MPP7: variants seen among roughly 807,000 people sequenced by gnomAD.
MPP7 encodes the protein MAGUK p55 scaffold protein 7, also known as MAGUK p55 subfamily member 7.
Under a neutral mutation model 76.5 loss-of-function variants are expected in MPP7, and 60 were observed. The observed-to-expected ratio is 0.78, with a 90% CI of 0.64 to 0.97. The LOEUF (loss-of-function observed/expected upper bound fraction) is 0.97. Among genes scored for constraint, MPP7 ranks in the 50% least tolerant of loss-of-function variants. The pLI is 0.00. For missense variants in MPP7, 641 were observed against 694.0 expected (o/e 0.92, Z 0.86); for synonymous variants, 237 against 244.5 (o/e 0.97, Z 0.29).
At chr10:28,233,591 G>A (rs933106249) in intron 2 of MPP7, among the ~76,000 whole-genome samples, 4 of 151,814 alleles carry the variant, frequency 2.6e-5, no homozygotes, top group Admixed American at 6.6e-5. Context: ...GGTGGCGGGC[G>A]CCTGTAGTCC....
intron 11 of MPP7, among the ~76,000 whole-genome samples, chr10:28,110,375 C>A (rs533623738): frequency 1.3e-5 from 2 of 152,204 alleles, no homozygotes; most frequent in Non-Finnish European, 2.9e-5. Context: ...CAGGCGTGAG[C>A]CACTACGCCC....
At chr10:28,063,515 C>T (rs1456589777) in intron 13 of MPP7, among the ~76,000 whole-genome samples, 4 of 151,610 alleles carry the variant, frequency 2.6e-5, no homozygotes, top group Non-Finnish European at 4.4e-5. Flanking sequence ...CAAAGAAGAT[C>T]GGGGGTCCCC....
At chr10:28,267,576 G>A (rs991012203) in intron 1 of MPP7, among the ~76,000 whole-genome samples, 2 of 152,140 alleles carry the variant, frequency 1.3e-5, no homozygotes, top group Non-Finnish European at 2.9e-5. Flanking sequence ...ACAGATTTTG[G>A]ATTTTCAGAT....
chr10:28,156,379 G>A (rs886529569), intron 3 of MPP7, among the ~76,000 whole-genome samples: 4 of 152,148 alleles, frequency 2.6e-5, no homozygotes, highest in East Asian at 1.9e-4. Context: ...GGAGATTCTC[G>A]TCTCCCTTTG....
At chr10:28,248,266 C>CT (rs1395944486) in intron 1 of MPP7, among the ~76,000 whole-genome samples, 1 of 152,108 alleles carries the variant, frequency 6.6e-6, no homozygotes, top group African/African-American at 2.4e-5. Context: ...GTCAAGAAAT[C>CT]TGAGGGCTAG....
intron 5 of MPP7, among the ~76,000 whole-genome samples, chr10:28,139,662 G>C (rs1835450603): frequency 6.6e-6 from 1 of 152,184 alleles, no homozygotes; most frequent in Non-Finnish European, 1.5e-5. Context: ...AATGATTAAA[G>C]AGATAATACA....
chr10:28,113,460 G>T (rs1834566608), intron 11 of MPP7, among the ~76,000 whole-genome samples: 1 of 152,142 alleles, frequency 6.6e-6, no homozygotes, highest in Non-Finnish European at 1.5e-5. Context: ...TTCCTGGTCA[G>T]GGCATTCCTA....
At chr10:28,328,872 C>T (rs558708132) in intron 2 of MPP7, among the ~76,000 whole-genome samples, 2 of 152,268 alleles carry the variant, frequency 1.3e-5, no homozygotes, top group South Asian at 4.1e-4. Context: ...TATACCATTA[C>T]GATGTCTCTT....
chr10:28,098,734 T>C lies in MPP7; in HGVS notation c.953-8893A>G, dbSNP rs1045443220. The stretch of plus-strand genomic sequence containing the variant: ...AATCATCTATATTTTTCAGTGATTA[T>C]GGTAATAGACCAAATTTGTATATTA... On this transcript the variant is annotated intron_variant, in intron 11 of 16. Coordinates refer to ENST00000683449, the MANE Select transcript of MPP7 (RefSeq NM_001318170.2). 5.3e-5 allele frequency among the ~76,000 whole-genome samples: 8 copies of C among 152,126 alleles called. 1 individual carries two copies. Among genetic ancestry groups the C allele is most frequent in the Middle Eastern group, 6.8e-3 (2 of 294 alleles).
At chr10:28,149,398 C>G (rs921637505) in intron 4 of MPP7, among the ~76,000 whole-genome samples, 2 of 152,130 alleles carry the variant, frequency 1.3e-5, no homozygotes, top group Non-Finnish European at 2.9e-5. Context: ...CCCCCAAGTT[C>G]AAAATAAAAT....
At chr10:28,280,939 G>C (rs768366716) in intron 1 of MPP7, among the ~76,000 whole-genome samples, 1 of 152,040 alleles carries the variant, frequency 6.6e-6, no homozygotes, top group Non-Finnish European at 1.5e-5. Context: ...GACTAGAGTG[G>C]AGGGTATGTA....
At chr10:28,140,355 C>T (rs113727457) in intron 5 of MPP7, among the ~76,000 whole-genome samples, 11,237 of 151,874 alleles carry the variant, frequency 0.074, 476 homozygotes, top group African/African-American at 0.11. Context: ...CTACTAAAAA[C>T]ACAAAAATTA....
intron 12 of MPP7, among the ~76,000 whole-genome samples, chr10:28,080,075 G>T (rs1288420098): frequency 7.0e-6 from 1 of 143,344 alleles, no homozygotes; most frequent in Non-Finnish European, 1.5e-5. Context: ...GGGAGGGGGA[G>T]GGAGGGAGAG....
At chr10:28,218,624 T>C (rs1041390357) in intron 2 of MPP7, among the ~76,000 whole-genome samples, 4 of 152,094 alleles carry the variant, frequency 2.6e-5, no homozygotes, top group Non-Finnish European at 5.9e-5. Context: ...GGCCATATTC[T>C]AGGCAATGAT....
chr10:28,079,382 G>C (rs1308916487), intron 12 of MPP7, among the ~76,000 whole-genome samples: 1 of 151,770 alleles, frequency 6.6e-6, no homozygotes, highest in African/African-American at 2.4e-5. Context: ...GCCAGGTGCA[G>C]CAGTTTGCAC....
chr10:28,181,251 A>C (rs1837048444), intron 3 of MPP7, among the ~76,000 whole-genome samples: 1 of 152,214 alleles, frequency 6.6e-6, no homozygotes, highest in African/African-American at 2.4e-5. Flanking sequence ...AGAATGATAA[A>C]ACCAATCTAA....
chr10:28,253,439 C>T (rs1454593477), intron 1 of MPP7, among the ~76,000 whole-genome samples: 2 of 152,090 alleles, frequency 1.3e-5, no homozygotes, highest in Admixed American at 6.6e-5. Flanking sequence ...TCTCTGCAGC[C>T]GGAGAACCAG....
chr10:28,102,004 T>C (rs1028337674), intron 11 of MPP7, among the ~76,000 whole-genome samples: 1 of 152,314 alleles, frequency 6.6e-6, no homozygotes, highest in Non-Finnish European at 1.5e-5. Flanking sequence ...AGCATATACA[T>C]ATATAAACAT....
At chr10:28,123,812 A>C (rs1159824800) in intron 8 of MPP7, among the ~76,000 whole-genome samples, 1 of 151,970 alleles carries the variant, frequency 6.6e-6, no homozygotes, top group Non-Finnish European at 1.5e-5. Flanking sequence ...AATCCTCAAA[A>C]CACTCCAGAT....
Sources: allele counts gnomAD v4.1 joint callset (sites outside exome capture counted in the v4.1 genomes callset), GRCh38; gene constraint gnomAD v4.1.1; transcripts MANE v1.5; gene names NCBI Gene and HGNC (gene_info 2026-07-23, HGNC 2026-07-21).